The following USP15 variants were observed in gnomAD, a reference collection of about 807,000 sequenced individuals.
USP15 encodes ubiquitin carboxyl-terminal hydrolase 15.
A neutral mutation model predicts 127.1 loss-of-function variants in USP15; 18 were observed. That is an observed-to-expected ratio of 0.14 (90% CI 0.10 to 0.21). USP15 has a LOEUF of 0.21. USP15 is among the 10% of genes least tolerant of loss of function. The pLI, the probability that USP15 is intolerant of heterozygous loss-of-function variation, is 1.00. For synonymous variants in USP15, 364 were observed against 393.7 expected (o/e 0.92, Z 0.89); for missense variants, 805 against 1,159.9 (o/e 0.69, Z 4.44).
At chr12:62,297,579 A>G (rs1314451548) in intron 2 of USP15, among the ~76,000 whole-genome samples, 1 of 152,186 alleles carries the variant, frequency 6.6e-6, no homozygotes, top group East Asian at 1.9e-4. Context: ...GAAATCAACA[A>G]ATCCTTCTAA....
At chr12:62,288,008 G>C (rs2063832982) in intron 1 of USP15, among the ~76,000 whole-genome samples, 1 of 152,136 alleles carries the variant, frequency 6.6e-6, no homozygotes, top group South Asian at 2.1e-4. Flanking sequence ...AGTTTAATTT[G>C]AAGTTGGGTA....
chr12:62,396,758 C>G (rs748841732), intron 20 of USP15, among the ~76,000 whole-genome samples: 5 of 152,132 alleles, frequency 3.3e-5, no homozygotes, highest in Non-Finnish European at 7.3e-5. Flanking sequence ...GTAGATATCA[C>G]TAGGTCTCGA....
In USP15 at chr12:62,405,981, CT is replaced by C. The variant is rs375651843; in HGVS notation, c.*1620del. 436 of 115,710 alleles carry C rather than the reference CT, an allele frequency of 3.8e-3. No homozygotes were observed. Among genetic ancestry groups the C allele is most frequent in the African/African-American group, 3.7e-3 (113 of 30,238 alleles). 7.2% of individuals were successfully genotyped at this position (115,710 alleles called of 1,614,324 possible). A position where few individuals can be genotyped will look rare whatever the true frequency, so the allele number is the denominator to read the frequency against. ...AAAGCTGCTTTGGGGTTTTTTTTTTCTTTTTTTTTTTTTTAATGTAAACTAA... is the reference window on the plus strand; with the variant it reads ...AAAGCTGCTTTGGGGTTTTTTTTTTCTTTTTTTTTTTTTAATGTAAACTAA... On this transcript the variant is annotated 3_prime_UTR_variant, in exon 22 of 22. Coordinates refer to ENST00000280377, the MANE Select transcript of USP15 (RefSeq NM_001252078.2).
intron 1 of USP15, among the ~76,000 whole-genome samples, chr12:62,270,636 A>C (rs1325966629): frequency 6.6e-6 from 1 of 152,022 alleles, no homozygotes; most frequent in Non-Finnish European, 1.5e-5. Flanking sequence ...TTCCCTGTGC[A>C]ATTATCTTGG....
intron 4 of USP15, 31 bp from the exon 5 acceptor site, chr12:62,321,433 A>G (rs909968066): frequency 1.1e-5 from 16 of 1,392,832 alleles, no homozygotes; most frequent in Non-Finnish European, 1.6e-5. Flanking sequence ...AATACATACT[A>G]TATTTATATA....
At position 62,404,341 on chromosome 12, in the gene USP15, A is replaced by T; in HGVS notation, c.2912A>T (p.Asp971Val). The T allele has an allele frequency of 6.2e-7, 1 of 1,612,162 alleles. No homozygotes were observed. Among genetic ancestry groups the T allele is most frequent in the Non-Finnish European group, 8.5e-7 (1 of 1,178,836 alleles). Reference sequence around the variant, plus strand: ...GAAGATAGCAATGATAATGACAATGATATAGAAAATGAAAACTGTATGCAC... The same window carrying T: ...GAAGATAGCAATGATAATGACAATGTTATAGAAAATGAAAACTGTATGCAC... Reference protein sequence around the residue: ...SDEDSNDNDNDIENENCMHTN With the variant: ...SDEDSNDNDNVIENENCMHTN The change falls in exon 22 of 22, where the codon GAT becomes GTT. Residue 971 changes from aspartate (D) to valine (V), a missense_variant. Physicochemically the swap from Asp to Val is radical, Grantham distance 152 (BLOSUM62 -3). Transcript: ENST00000280377.
chr12:62,361,914 C>G (rs1035632294), intron 8 of USP15, among the ~76,000 whole-genome samples: 2 of 151,990 alleles, frequency 1.3e-5, no homozygotes, highest in Admixed American at 6.6e-5. Context: ...ATATCTAAAT[C>G]AATTACTAGT....
chr12:62,271,586 C>G (rs1235359714), intron 1 of USP15, among the ~76,000 whole-genome samples: 3 of 151,692 alleles, frequency 2.0e-5, no homozygotes, highest in Non-Finnish European at 4.4e-5. Context: ...TTGTTAATAC[C>G]AAACCTAATT....
intron 2 of USP15, chr12:62,294,564 CTTCA>C (rs1422577096): frequency 8.1e-6 from 2 of 245,756 alleles, no homozygotes; most frequent in Non-Finnish European, 1.5e-5. Context: ...GAACTGATTT[CTTCA>C]TTTAAAGATT....
intron 1 of USP15, among the ~76,000 whole-genome samples, chr12:62,267,829 G>C (rs1394295468): frequency 6.6e-6 from 1 of 152,112 alleles, no homozygotes; most frequent in African/African-American, 2.4e-5. Flanking sequence ...ACTGAAAAGA[G>C]CATCAAGTTC....
intron 6 of USP15, among the ~76,000 whole-genome samples, chr12:62,344,180 C>T (rs924359795): frequency 2.0e-5 from 3 of 152,138 alleles, no homozygotes; most frequent in African/African-American, 7.2e-5. Flanking sequence ...AAGGCAAGTC[C>T]CTTCCACCTA....
Position 62,406,812 on chromosome 12 carries a change from T to G in USP15, c.*2437T>G, listed in dbSNP as rs1012358748. ...CTCATCTGTACAAATATATGTATTT[T>G]TTTTTAATTAGCTGGGTGTGCACAC... On this transcript the variant is annotated 3_prime_UTR_variant, in exon 22 of 22. Transcript: ENST00000280377. 4 of 151,998 alleles carry G rather than the reference T, an allele frequency of 2.6e-5. No homozygotes were observed. The highest frequency in any genetic ancestry group is 5.9e-5 in the Non-Finnish European group (4 of 67,982). The allele number at this position is 151,998 out of a possible 1,614,324, so 9.4% of individuals were successfully genotyped here.
intron 5 of USP15, among the ~76,000 whole-genome samples, chr12:62,322,284 C>T (rs2065006347): frequency 6.6e-6 from 1 of 152,068 alleles, no homozygotes; most frequent in African/African-American, 2.4e-5. Flanking sequence ...TGTGCCACCA[C>T]ACCCAGCTAA....
intron 1 of USP15, among the ~76,000 whole-genome samples, chr12:62,267,893 C>T (rs1039850156): frequency 1.3e-5 from 2 of 152,032 alleles, no homozygotes; most frequent in Non-Finnish European, 1.5e-5. Context: ...GTTATTTACC[C>T]ATATGTTTTT....
rs2067962535 is a variant in USP15 at position 62,408,870 on chromosome 12, A to G, written c.*4495A>G. On this transcript the variant is annotated 3_prime_UTR_variant, in exon 22 of 22. Coordinates refer to ENST00000280377, the MANE Select transcript of USP15 (RefSeq NM_001252078.2). ...CAATATGTATGTGTTTTACGTGTTT[A>G]ATTCGTATTTACTATATATTAAAAG... 6.6e-6 allele frequency: 1 copy of G among 152,032 alleles called. No individual in the cohort carries two copies. The highest frequency in any genetic ancestry group is 2.4e-5 in the African/African-American group (1 of 41,428). The allele number at this position is 152,032 out of a possible 1,614,324, so 9.4% of individuals were successfully genotyped here. A position where few individuals can be genotyped will look rare whatever the true frequency, so the allele number is the denominator to read the frequency against.
chr12:62,393,343 ACAGT>A, intron 19 of USP15, 141 bp downstream of exon 19: 1 of 892,724 alleles, frequency 1.1e-6, no homozygotes, highest in Non-Finnish European at 1.6e-6. Context: ...AGTAGTTCTA[ACAGT>A]TTATAAGGAT....
chr12:62,315,209 A>G (rs2064798569), intron 4 of USP15: 1 of 179,728 alleles, frequency 5.6e-6, no homozygotes, highest in Non-Finnish European at 1.2e-5. Flanking sequence ...CTTTAAATAA[A>G]AACTTAATTA....
At chr12:62,275,505 A>G (rs894332126) in intron 1 of USP15, among the ~76,000 whole-genome samples, 1 of 151,866 alleles carries the variant, frequency 6.6e-6, no homozygotes, top group Non-Finnish European at 1.5e-5. Flanking sequence ...GTGATTTGTG[A>G]GGGCCCATTA....
intron 7 of USP15, among the ~76,000 whole-genome samples, chr12:62,353,937 G>A (rs771681597): frequency 2.0e-5 from 3 of 152,084 alleles, no homozygotes; most frequent in African/African-American, 4.8e-5. Context: ...ATTGATTAAT[G>A]TTACATTTCT....
Sources: allele counts gnomAD v4.1 joint callset (sites outside exome capture counted in the v4.1 genomes callset), GRCh38; gene constraint gnomAD v4.1.1; transcripts MANE v1.5; gene names NCBI Gene and HGNC (gene_info 2026-07-23, HGNC 2026-07-21).